The following ECSIT variants were observed in gnomAD, a reference collection of about 807,000 sequenced individuals.
The protein encoded by ECSIT is ECSIT signaling integrator.
Under a neutral mutation model 36.8 loss-of-function variants are expected in ECSIT, and 29 were observed. That is an observed-to-expected ratio of 0.79 (90% CI 0.59 to 1.08). The LOEUF is 1.08. Ranked by LOEUF, ECSIT falls within the 50% of genes least tolerant of loss-of-function variation. The probability of loss-of-function intolerance (pLI) is 0.00; values close to 1 mark genes in which losing one functional copy is unlikely to be tolerated. For synonymous variants in ECSIT, 231 were observed against 234.8 expected, an observed-to-expected ratio of 0.98 and a Z score of 0.15; for missense variants, 542 against 581.0, an observed-to-expected ratio of 0.93 and a Z score of 0.69.
At chr19:11,520,511 T>A (rs181948131) in intron 1 of ECSIT, among the ~76,000 whole-genome samples, 52 of 151,408 alleles carry the variant, frequency 3.4e-4, no homozygotes, top group African/African-American at 7.5e-4. Context: ...GATTTTTTTT[T>A]AATTTTTATT....
intron 2 of ECSIT, among the ~76,000 whole-genome samples, chr19:11,514,834 T>C (rs1971956798): frequency 1.3e-5 from 2 of 150,488 alleles, no homozygotes; most frequent in Non-Finnish European, 2.9e-5. Context: ...CCCTTTTTGC[T>C]TGTAATTTTT....
At position 11,506,409 on chromosome 19, in the gene ECSIT, G is replaced by A. The variant is rs746241148; in HGVS notation, c.1071C>T (p.Phe357=). ...DINEVEEGPV[F]AMCMAGAHDQ... is the part of the protein sequence containing the mutation. ...CATGAGCACCCGCCATGCACATGGC[G>A]AAGACAGGGCCTTCCTCCACTGTTG... The change falls in exon 8 of 8, where the codon TTC becomes TTT. Residue 357 remains phenylalanine (F), a synonymous_variant. Transcript: ENST00000270517. The A allele has an allele frequency of 1.9e-6, 3 of 1,612,882 alleles. No homozygotes were observed. Among genetic ancestry groups the A allele is most frequent in the African/African-American group, 1.3e-5 (1 of 75,048 alleles).
rs1432647004 is a variant in ECSIT at position 11,514,519 on chromosome 19, T to G, written c.97-298A>C. ...ACACACATGCCGGTTTTTTTTTGGG[T>G]TTTTTTTTTTGGTTTTTTTTTGAGA... On this transcript the variant is annotated intron_variant, in intron 2 of 7. Transcript: ENST00000270517. Among the ~76,000 whole-genome samples, 285 of 78,626 alleles carry G rather than the reference T, an allele frequency of 3.6e-3. 1 individual carries two copies. Among genetic ancestry groups the G allele is most frequent in the African/African-American group, 0.028 (131 of 4,666 alleles). The allele number at this position is 78,626 out of a possible 152,430, so 51.6% of individuals were successfully genotyped here. A position where few individuals can be genotyped will look rare whatever the true frequency, so the allele number is the denominator to read the frequency against.
intron 7 of ECSIT, 68 bp from the exon 8 acceptor site, chr19:11,506,496 CT>C: frequency 1.4e-6 from 2 of 1,430,278 alleles, no homozygotes; most frequent in Non-Finnish European, 1.9e-6. Flanking sequence ...ATGCCTACAC[CT>C]TTTTGAGGTA....
intron 4 of ECSIT, among the ~76,000 whole-genome samples, chr19:11,511,200 C>A (rs773154022): frequency 3.3e-5 from 5 of 152,220 alleles, no homozygotes; most frequent in Non-Finnish European, 7.3e-5. Flanking sequence ...CTGTGAGGGG[C>A]TCTCTTTGGA....
chr19:11,514,224 G>T lies in ECSIT; in HGVS notation c.97-3C>A. ...CCCCGAGGGAGCCGGCGAGGGACCTGGGGAGGGAGGAGAACTGCTGGAATC... is the reference window on the plus strand; with the variant it reads ...CCCCGAGGGAGCCGGCGAGGGACCTTGGGAGGGAGGAGAACTGCTGGAATC... On this transcript the variant is annotated splice_region_variant and splice_polypyrimidine_tract_variant and intron_variant, in intron 2 of 7. Coordinates refer to ENST00000270517, the MANE Select transcript of ECSIT (RefSeq NM_016581.5). The T allele has an allele frequency of 6.3e-7, 1 of 1,596,954 alleles. No individual in the cohort carries two copies. The highest frequency in any genetic ancestry group is 2.2e-5 in the East Asian group (1 of 44,638).
At chr19:11,511,098 C>G (rs7252222) in intron 4 of ECSIT, among the ~76,000 whole-genome samples, 4,379 of 152,144 alleles carry the variant, frequency 0.029, 222 homozygotes, top group African/African-American at 0.1. Flanking sequence ...CCCCACCTGC[C>G]CACTCGGCTC....
At position 11,519,614 on chromosome 19, in the gene ECSIT, G is replaced by A. The variant is rs1972061831; in HGVS notation, c.-23-421C>T. 6.6e-6 allele frequency among the ~76,000 whole-genome samples: 1 copy of A among 152,076 alleles called. No homozygotes were observed. Among genetic ancestry groups the A allele is most frequent in the Admixed American group, 6.6e-5 (1 of 15,224 alleles). On this transcript the variant is annotated intron_variant, in intron 1 of 7. Transcript: ENST00000270517. The surrounding 1 kb of genome is among the most constrained non-coding windows in gnomAD (Gnocchi z 4.4). ...CCAAAAGTGCTGGGATCATGGGTGT[G>A]AGCCAGCACTCCTAGCCACTACAAT...
intron 1 of ECSIT, among the ~76,000 whole-genome samples, chr19:11,525,955 G>A (rs1279244338): frequency 2.0e-5 from 3 of 151,184 alleles, no homozygotes; most frequent in African/African-American, 7.3e-5. Context: ...CAGACCTACT[G>A]AACTGGAATC....
chr19:11,521,092 G>A (rs118101846), intron 1 of ECSIT, among the ~76,000 whole-genome samples: 142 of 152,228 alleles, frequency 9.3e-4, no homozygotes, highest in Non-Finnish European at 1.6e-3. Flanking sequence ...AATCATGCCC[G>A]GCCAATTCCA....
At chr19:11,511,877 A>T (rs1314763496) in intron 4 of ECSIT, among the ~76,000 whole-genome samples, 2 of 152,102 alleles carry the variant, frequency 1.3e-5, no homozygotes, top group African/African-American at 4.8e-5. Flanking sequence ...TACTAAAAAT[A>T]CAAAAATTAG....
At position 11,519,879 on chromosome 19, in the gene ECSIT, G is replaced by A. The variant is rs1423813801; in HGVS notation, c.-23-686C>T. 6.6e-6 allele frequency: 1 copy of A among 150,388 alleles called. No homozygotes were observed. The highest frequency in any genetic ancestry group is 1.5e-5 in the Non-Finnish European group (1 of 67,898). The allele number at this position is 150,388 out of a possible 1,614,324, so 9.3% of individuals were successfully genotyped here. A position where few individuals can be genotyped will look rare whatever the true frequency, so the allele number is the denominator to read the frequency against. On this transcript the variant is annotated intron_variant, in intron 1 of 7. Coordinates refer to ENST00000270517, the MANE Select transcript of ECSIT (RefSeq NM_016581.5). The surrounding 1 kb of genome is among the most constrained non-coding windows in gnomAD (Gnocchi z 4.4). ...AGCTACTGGGAAGGCTGACGTAGGA[G>A]AATTGCTTGAACCCAGGAGGCAGAG...
rs768591691 is a variant in ECSIT at position 11,513,250 on chromosome 19, G to C, written c.544C>G (p.Leu182Val). ...TTGCGTCCAAAGATCTGAATCAGCA[G>C]GAACTCCGTCTCCTTGTTGGGCATC... ...GVMPNKETEF[L>V]LIQIFGRKSY... is the part of the protein sequence containing the mutation. The change falls in exon 4 of 8, where the codon CTG becomes GTG. Residue 182 changes from leucine (L) to valine (V), a missense_variant. Leu to Val is a conservative substitution (Grantham distance 32). Coordinates refer to ENST00000270517, the MANE Select transcript of ECSIT (RefSeq NM_016581.5). 1.5e-5 allele frequency: 24 copies of C among 1,614,000 alleles called. No individual in the cohort carries two copies. The highest frequency in any genetic ancestry group is 2.0e-5 in the Non-Finnish European group (24 of 1,180,026).
Position 11,513,890 on chromosome 19 carries a change from G to T in ECSIT, c.428C>A (p.Pro143His). Reference sequence around the variant, plus strand: ...GAAGATGCGCTGGATGATGTTGCGAGGCCGGAAGACCTCCTTGGGGAAGAT... The same window carrying T: ...GAAGATGCGCTGGATGATGTTGCGATGCCGGAAGACCTCCTTGGGGAAGAT... ...LNIFPKEVFRPRNIIQRIFVH... is the reference protein window; with the variant it reads ...LNIFPKEVFRHRNIIQRIFVH... The change falls in exon 3 of 8, where the codon CCT (proline) becomes CAT (histidine). Residue 143 changes from proline to histidine, a missense_variant. Coordinates refer to ENST00000270517, the MANE Select transcript of ECSIT (RefSeq NM_016581.5). 2 of 1,614,202 alleles carry T rather than the reference G, an allele frequency of 1.2e-6. No individual in the cohort carries two copies. Among genetic ancestry groups the T allele is most frequent in the Non-Finnish European group, 1.7e-6 (2 of 1,180,038 alleles).
In ECSIT at chr19:11,506,133, T is replaced by G. The variant is rs758710960; in HGVS notation, c.*51A>C. 1.4e-5 allele frequency: 23 copies of G among 1,591,764 alleles called. No homozygotes were observed. The Admixed American group carries it at 3.9e-4, about 27-fold the overall frequency. On this transcript the variant is annotated 3_prime_UTR_variant, in exon 8 of 8. Coordinates refer to ENST00000270517, the MANE Select transcript of ECSIT (RefSeq NM_016581.5). ...TACACTCAAAGGGCATCTCATGCCTTCAGTCCACCGCCTCCTCGGGCCACA... is the reference window on the plus strand; with the variant it reads ...TACACTCAAAGGGCATCTCATGCCTGCAGTCCACCGCCTCCTCGGGCCACA...
Position 11,507,848 on chromosome 19 carries a change from T to G in ECSIT, c.799A>C (p.Ile267Leu). ...ADPPQPHIVGIQSPDQQAALA... is the reference protein window; with the variant it reads ...ADPPQPHIVGLQSPDQQAALA... Reference sequence around the variant, plus strand: ...GCGGCCTGCTGATCGGGACTCTGGATTCCTGGTGTGGAGACATACATGCCC... The same window carrying G: ...GCGGCCTGCTGATCGGGACTCTGGAGTCCTGGTGTGGAGACATACATGCCC... Residue 267 changes from isoleucine to leucine, a missense_variant and splice_region_variant, in exon 6 of 8, where the codon ATC (isoleucine) becomes CTC (leucine). Transcript: ENST00000270517. 6.2e-7 allele frequency: 1 copy of G among 1,613,684 alleles called. No individual in the cohort carries two copies. The highest frequency in any genetic ancestry group is 8.5e-7 in the Non-Finnish European group (1 of 1,179,946).
At chr19:11,510,481 T>G (rs1971847374) in intron 4 of ECSIT, 1 of 152,006 alleles carries the variant, frequency 6.6e-6, no homozygotes, top group Non-Finnish European at 1.5e-5. Context: ...CCTGGCTGTA[T>G]TTTACTCCAT....
intron 1 of ECSIT, chr19:11,522,140 C>T (rs979032415): frequency 3.9e-5 from 16 of 410,626 alleles, no homozygotes; most frequent in South Asian, 2.1e-4. Context: ...AAGAAGTCTT[C>T]GGGGAGACTG....
intron 2 of ECSIT, among the ~76,000 whole-genome samples, chr19:11,516,711 C>T (rs1174428396): frequency 1.4e-5 from 2 of 146,420 alleles, no homozygotes; most frequent in Non-Finnish European, 3.0e-5. Flanking sequence ...ACACACAAAA[C>T]GCTAACAAGT....
Sources: allele counts gnomAD v4.1 joint callset (sites outside exome capture counted in the v4.1 genomes callset), GRCh38; gene constraint gnomAD v4.1.1; non-coding constraint Gnocchi (gnomAD v3.1); transcripts MANE v1.5; gene names NCBI Gene and HGNC (gene_info 2026-07-23, HGNC 2026-07-21).